Variants in COL24A1 observed in about 807,000 individuals in gnomAD.
COL24A1 encodes collagen type XXIV alpha 1 chain, also known as collagen alpha-1(XXIV) chain.
A neutral mutation model predicts 253.9 loss-of-function variants in COL24A1; 224 were observed. The ratio of observed to expected loss-of-function variants is 0.88; its 90% CI spans 0.79 to 0.99. The LOEUF (loss-of-function observed/expected upper bound fraction) is 0.99, where lower values mean the gene tolerates loss of function less well. COL24A1 is among the 50% of genes least tolerant of loss of function. The pLI is 0.00. For synonymous variants in COL24A1, 685 were observed against 673.7 expected (o/e 1.02, Z -0.26); for missense variants, 2,131 against 2,068.5 (o/e 1.03, Z -0.59).
At chr1:86,057,083 G>C (rs1427227518) in intron 10 of COL24A1, among the ~76,000 whole-genome samples, 1 of 152,136 alleles carries the variant, frequency 6.6e-6, no homozygotes, top group African/African-American at 2.4e-5. Flanking sequence ...TGGCCTGGTG[G>C]GAAGTGACTG....
intron 59 of COL24A1, 37 bp downstream of exon 59, chr1:85,734,712 G>A: frequency 6.5e-7 from 1 of 1,542,140 alleles, no homozygotes; most frequent in South Asian, 1.1e-5. Flanking sequence ...TTTTAAGTTA[G>A]TTATATTGAA....
intron 2 of COL24A1, among the ~76,000 whole-genome samples, chr1:86,139,242 G>A (rs1159341364): frequency 6.6e-6 from 1 of 151,866 alleles, no homozygotes; most frequent in African/African-American, 2.4e-5. Flanking sequence ...AAAGAGTGAG[G>A]GAGAAAGGTG....
At chr1:85,854,305 C>T (rs1678163256) in intron 37 of COL24A1, among the ~76,000 whole-genome samples, 2 of 152,070 alleles carry the variant, frequency 1.3e-5, no homozygotes, top group Admixed American at 1.3e-4. Flanking sequence ...GGTTCTCTAA[C>T]CTGTTTCATT....
intron 56 of COL24A1, 74 bp from the exon 57 acceptor site, chr1:85,744,908 T>C: frequency 8.8e-7 from 1 of 1,131,010 alleles, no homozygotes; most frequent in Non-Finnish European, 1.3e-6. Flanking sequence ...AGGAGAAGAA[T>C]GTGTTTCCAT....
At chr1:85,941,602 A>G (rs1321191169) in intron 24 of COL24A1, among the ~76,000 whole-genome samples, 1 of 148,070 alleles carries the variant, frequency 6.8e-6, no homozygotes, top group African/African-American at 2.5e-5. Flanking sequence ...ATCTCTGGAC[A>G]GGTAAGAACG....
intron 47 of COL24A1, among the ~76,000 whole-genome samples, chr1:85,796,317 A>G (rs1486144851): frequency 1.3e-5 from 2 of 152,186 alleles, no homozygotes; most frequent in Admixed American, 6.6e-5. Flanking sequence ...TGTTTTATCA[A>G]TCCTAAAAAA....
At chr1:85,972,315 G>GA (rs34443241) in intron 20 of COL24A1, among the ~76,000 whole-genome samples, 39,617 of 151,856 alleles carry the variant, frequency 0.26, 5,549 homozygotes, top group Admixed American at 0.36. Flanking sequence ...GCAACAGAGT[G>GA]ACAAACTACA....
At chr1:85,737,354 T>C (rs1205421140) in intron 58 of COL24A1, 42 bp downstream of exon 58, 2 of 1,195,894 alleles carry the variant, frequency 1.7e-6, no homozygotes, top group Middle Eastern at 3.8e-4. Context: ...TCACTGATAC[T>C]GTGCAATATA....
chr1:86,035,126 A>G (rs929129877), intron 12 of COL24A1, among the ~76,000 whole-genome samples: 3 of 152,146 alleles, frequency 2.0e-5, no homozygotes, highest in African/African-American at 7.2e-5. Flanking sequence ...GTTAACTCCT[A>G]CTAGAAGCAC....
rs566484127 is a variant in COL24A1, at chr1:85,831,993, T to C, written c.3681+6592A>G. ...TGCTTTTGGTGTTTTAGACATGAAG[T>C]CCTTGCCCATGCCTATGTCCTGAAT... On this transcript the variant is annotated intron_variant, in intron 43 of 59. Coordinates refer to ENST00000370571, the MANE Select transcript of COL24A1 (RefSeq NM_152890.7). Among the ~76,000 whole-genome samples the C allele has an allele frequency of 1.2e-4, 19 of 152,176 alleles. No homozygotes were observed. The East Asian group carries it at 3.5e-3, about 28-fold the overall frequency.
chr1:85,985,695 A>G (rs79394832), intron 20 of COL24A1, among the ~76,000 whole-genome samples: 2,815 of 151,880 alleles, frequency 0.019, 101 homozygotes, highest in African/African-American at 0.064. Flanking sequence ...GGAAATTTCT[A>G]TCAAAGGAGA....
intron 53 of COL24A1, among the ~76,000 whole-genome samples, chr1:85,763,393 G>A (rs991576574): frequency 6.6e-6 from 1 of 151,894 alleles, no homozygotes; most frequent in Non-Finnish European, 1.5e-5. Context: ...ACTCCAGCCT[G>A]GGTGACAGAG....
In COL24A1 at chr1:85,760,939, T is replaced by C. The variant is rs528117847; in HGVS notation, c.4437+457A>G. On this transcript the variant is annotated intron_variant, in intron 55 of 59. Coordinates refer to ENST00000370571, the MANE Select transcript of COL24A1 (RefSeq NM_152890.7). ...GTTTTGGGTCATAGTAGTTAGATAA[T>C]AAGCAAACATAAGAGAAGTCTGATG... Among the ~76,000 whole-genome samples the C allele has an allele frequency of 2.6e-5, 4 of 152,140 alleles. No homozygotes were observed. The East Asian group carries it at 5.8e-4, about 22-fold the overall frequency.
intron 1 of COL24A1, among the ~76,000 whole-genome samples, chr1:86,148,195 C>T (rs9433425): frequency 0.73 from 106,851 of 145,622 alleles, 38,431 homozygotes; most frequent in Non-Finnish European, 0.8. Context: ...TTTGTTTTTG[C>T]TTTCTTGAGA....
chr1:86,133,721 GC>G (rs1649711879), intron 2 of COL24A1, among the ~76,000 whole-genome samples: 1 of 152,162 alleles, frequency 6.6e-6, no homozygotes, highest in African/African-American at 2.4e-5. Context: ...TGGTGGATAA[GC>G]TTTTTGATGT....
At chr1:86,099,219 A>G (rs528876250) in intron 5 of COL24A1, among the ~76,000 whole-genome samples, 1 of 152,306 alleles carries the variant, frequency 6.6e-6, no homozygotes, top group East Asian at 1.9e-4. Flanking sequence ...ATGAAAATGT[A>G]ACATATCAAA....
chr1:85,875,937 C>T (rs187891768), intron 33 of COL24A1, among the ~76,000 whole-genome samples: 1 of 152,044 alleles, frequency 6.6e-6, no homozygotes, highest in East Asian at 1.9e-4. Flanking sequence ...AGATATTTAC[C>T]TTATTTATAA....
intron 5 of COL24A1, among the ~76,000 whole-genome samples, chr1:86,105,920 C>T (rs1373447068): frequency 6.6e-6 from 1 of 152,160 alleles, no homozygotes; most frequent in Non-Finnish European, 1.5e-5. Flanking sequence ...AGCTTCCTCC[C>T]TCTTCAGCCC....
At chr1:85,837,506 ATCAAC>A (rs1372286402) in intron 43 of COL24A1, among the ~76,000 whole-genome samples, 1 of 152,178 alleles carries the variant, frequency 6.6e-6, no homozygotes, top group Non-Finnish European at 1.5e-5. Flanking sequence ...TAATTAACCC[ATCAAC>A]TCATTATTAA....
Sources: allele counts gnomAD v4.1 joint callset (sites outside exome capture counted in the v4.1 genomes callset), GRCh38; gene constraint gnomAD v4.1.1; transcripts MANE v1.5; gene names NCBI Gene and HGNC (gene_info 2026-07-23, HGNC 2026-07-21).